Variants in SMG1 observed in about 807,000 individuals in gnomAD.
The protein encoded by SMG1 is serine/threonine-protein kinase SMG1.
A neutral mutation model predicts 419.9 loss-of-function variants in SMG1; 22 were observed. The ratio of observed to expected loss-of-function variants is 0.05; its 90% CI spans 0.04 to 0.07. The LOEUF is 0.07. Among genes scored for constraint, SMG1 ranks in the 10% least tolerant of loss-of-function variants. The pLI is 1.00. For missense variants in SMG1, 3,185 were observed against 4,342.0 expected (o/e 0.73, Z 7.49); for synonymous variants, 1,538 against 1,553.5 (o/e 0.99, Z 0.23).
intron 9 of SMG1, among the ~76,000 whole-genome samples, chr16:18,883,510 T>C (rs2036489630): frequency 6.6e-6 from 1 of 152,220 alleles, no homozygotes; most frequent in Non-Finnish European, 1.5e-5. Context: ...AAAATGTCTT[T>C]AGAAAAATAC....
chr16:18,863,614 G>A (rs2035326949), intron 25 of SMG1, 36 bp downstream of exon 25: 1 of 1,553,508 alleles, frequency 6.4e-7, no homozygotes, highest in Non-Finnish European at 8.8e-7. Flanking sequence ...ATAGTTATTG[G>A]AAATTTGTTT....
In SMG1 at chr16:18,805,812, A is replaced by T. The variant is rs2030773766; in HGVS notation, c.*3757T>A. ...CAAGCTCAACAAGATAAAAAATTGAACACTGGTTTTCATACTCTAATTTTA... is the reference window on the plus strand; with the variant it reads ...CAAGCTCAACAAGATAAAAAATTGATCACTGGTTTTCATACTCTAATTTTA... On this transcript the variant is annotated 3_prime_UTR_variant, in exon 63 of 63. Coordinates refer to ENST00000446231, the MANE Select transcript of SMG1 (RefSeq NM_015092.5). The T allele has an allele frequency of 6.6e-6, 1 of 152,266 alleles. No individual in the cohort carries two copies. The highest frequency in any genetic ancestry group is 2.4e-5 in the African/African-American group (1 of 41,462). 9.4% of individuals were successfully genotyped at this position (152,266 alleles called of 1,614,324 possible).
chr16:18,857,190 T>G (rs2034961278), intron 29 of SMG1: 1 of 152,222 alleles, frequency 6.6e-6, no homozygotes, highest in Non-Finnish European at 1.5e-5. Context: ...GCTGTTAGCT[T>G]ACATTGACAT....
At chr16:18,918,680 C>T (rs1413648834) in intron 1 of SMG1, among the ~76,000 whole-genome samples, 2 of 145,372 alleles carry the variant, frequency 1.4e-5, no homozygotes, top group Non-Finnish European at 3.1e-5. Context: ...TCCCAAGTAG[C>T]TGGGATTACA....
At chr16:18,864,891 G>A (rs773988634) in intron 23 of SMG1, among the ~76,000 whole-genome samples, 7 of 152,172 alleles carry the variant, frequency 4.6e-5, no homozygotes, top group Non-Finnish European at 7.3e-5. Flanking sequence ...GAGGTTTGAT[G>A]TCTTCCTCAC....
At chr16:18,838,306 G>A in intron 44 of SMG1, 51 bp downstream of exon 44, 2 of 1,606,510 alleles carry the variant, frequency 1.2e-6, no homozygotes, top group Non-Finnish European at 1.7e-6. Context: ...CATTCCACAG[G>A]TTTTGCTCAT....
chr16:18,829,211 T>A (rs2032989229), intron 54 of SMG1, 75 bp downstream of exon 54: 1 of 1,272,512 alleles, frequency 7.9e-7, no homozygotes, highest in Admixed American at 2.7e-5. Context: ...TTCTGTGTAT[T>A]GTTTTAAATT....
In SMG1 at chr16:18,838,094, C is replaced by T; in HGVS notation, c.7333G>A (p.Ala2445Thr). The T allele has an allele frequency of 6.2e-7, 1 of 1,614,024 alleles. No homozygotes were observed. Among genetic ancestry groups the T allele is most frequent in the Non-Finnish European group, 8.5e-7 (1 of 1,179,904 alleles). Reference protein sequence around the residue: ...GAVYGGGGQQAESKQSKREME... With the variant: ...GAVYGGGGQQTESKQSKREME... ...TCTCTCTTGCTCTGCTTGCTCTCGG[C>T]CTGCTGGCCACCTCCACCATAGACA... Residue 2445 changes from alanine to threonine, a missense_variant, in exon 45 of 63, where the codon GCC becomes ACC. This residue lies in a region of SMG1 where 412 missense variants were observed against 546.6 expected (regional missense o/e 0.75). Transcript: ENST00000446231.
At position 18,909,606 on chromosome 16, in the gene SMG1, C is replaced by T. The variant is rs574737990; in HGVS notation, c.93-12650G>A. Among the ~76,000 whole-genome samples the T allele has an allele frequency of 1.9e-3, 296 of 152,246 alleles. 1 individual carries two copies. Among genetic ancestry groups the T allele is most frequent in the Middle Eastern group, 6.8e-3 (2 of 294 alleles). On this transcript the variant is annotated intron_variant, in intron 1 of 62. Transcript: ENST00000446231. ...AGAAAATGAAATAAAAAATTTTAAA[C>T]GTCAATTTAATTAGAGGTCTCAAGT...
intron 1 of SMG1, among the ~76,000 whole-genome samples, chr16:18,907,239 G>A (rs944628367): frequency 7.9e-5 from 12 of 151,228 alleles, no homozygotes; most frequent in Non-Finnish European, 1.5e-4. Context: ...CCGAGACTGC[G>A]CCAATGCACT....
intron 3 of SMG1, among the ~76,000 whole-genome samples, chr16:18,894,978 C>T (rs549092683): frequency 1.3e-5 from 2 of 152,082 alleles, no homozygotes; most frequent in African/African-American, 2.4e-5. Context: ...CCACCGCACC[C>T]GGCTAATTTT....
chr16:18,908,812 G>A (rs2037681094), intron 1 of SMG1, among the ~76,000 whole-genome samples: 1 of 151,112 alleles, frequency 6.6e-6, no homozygotes, highest in Non-Finnish European at 1.5e-5. Flanking sequence ...CGCGGGAGGT[G>A]GAGCATGCAG....
intron 13 of SMG1, among the ~76,000 whole-genome samples, chr16:18,872,880 G>T (rs1281774798): frequency 6.6e-6 from 1 of 152,176 alleles, no homozygotes; most frequent in Non-Finnish European, 1.5e-5. Context: ...CAGGTCAGGT[G>T]TTGTGGCTCA....
chr16:18,884,230 TA>T (rs556774582), intron 8 of SMG1, 63 bp from the exon 9 acceptor site: 670 of 745,098 alleles, frequency 9.0e-4, no homozygotes, highest in South Asian at 3.3e-3. Context: ...AAATCCAAAT[TA>T]AAAAAAAATA....
intron 1 of SMG1, among the ~76,000 whole-genome samples, chr16:18,919,666 AC>A (rs2142016771): frequency 1.2e-5 from 1 of 85,190 alleles, no homozygotes; most frequent in African/African-American, 5.4e-5. Flanking sequence ...ATACACACAC[AC>A]ACACACACAC....
intron 55 of SMG1, among the ~76,000 whole-genome samples, chr16:18,820,670 G>C (rs777220875): frequency 2.0e-5 from 3 of 152,152 alleles, no homozygotes; most frequent in Non-Finnish European, 2.9e-5. Flanking sequence ...AAATCATAAA[G>C]AGGAAGAGTT....
chr16:18,900,216 G>A (rs1214100436), intron 1 of SMG1: 6 of 469,282 alleles, frequency 1.3e-5, no homozygotes, highest in Non-Finnish European at 2.3e-5. Context: ...TGCCTTACAG[G>A]ATAAAGAGGC....
At chr16:18,827,988 C>G in intron 55 of SMG1, 43 bp downstream of exon 55, 1 of 1,582,372 alleles carries the variant, frequency 6.3e-7, no homozygotes, top group South Asian at 1.1e-5. Flanking sequence ...TTGGTTATTT[C>G]TAAAAAGAAA....
intron 1 of SMG1, among the ~76,000 whole-genome samples, chr16:18,909,474 T>A (rs2037709557): frequency 6.6e-6 from 1 of 151,894 alleles, no homozygotes; most frequent in African/African-American, 2.4e-5. Flanking sequence ...AGCCCAGGAG[T>A]TTGAGACCAG....
Sources: allele counts gnomAD v4.1 joint callset (sites outside exome capture counted in the v4.1 genomes callset), GRCh38; gene constraint gnomAD v4.1.1; regional missense constraint gnomAD v4.1.1; transcripts MANE v1.5; gene names NCBI Gene and HGNC (gene_info 2026-07-23, HGNC 2026-07-21).